MMP26: variants seen among roughly 807,000 people sequenced by gnomAD.
The protein encoded by MMP26 is matrix metalloproteinase-26.
A neutral mutation model predicts 31.0 loss-of-function variants in MMP26; 33 were observed. That is an observed-to-expected ratio of 1.06 (90% CI 0.81 to 1.42). The LOEUF (loss-of-function observed/expected upper bound fraction) is 1.42, where lower values mean the gene tolerates loss of function less well. Ranked by LOEUF, MMP26 falls within the 40% of genes most tolerant of loss-of-function variation. The pLI is 0.00. For synonymous variants in MMP26, 122 were observed against 114.9 expected, an observed-to-expected ratio of 1.06 and a Z score of -0.40; for missense variants, 347 against 316.1, an observed-to-expected ratio of 1.10 and a Z score of -0.74.
intron 2 of MMP26, among the ~76,000 whole-genome samples, chr11:4,798,443 A>G (rs1200659586): frequency 1.3e-5 from 2 of 152,252 alleles, no homozygotes; most frequent in Non-Finnish European, 2.9e-5. Flanking sequence ...TACATGGCAT[A>G]AATACACACA....
intron 2 of MMP26, among the ~76,000 whole-genome samples, chr11:4,870,633 A>C (rs1284009838): frequency 6.6e-6 from 1 of 152,140 alleles, no homozygotes; most frequent in Admixed American, 6.6e-5. Context: ...GATATGAAGA[A>C]GAGAGGGAGA....
chr11:4,711,454 A>G (rs1169268432), intron 1 of MMP26: 1 of 152,208 alleles, frequency 6.6e-6, no homozygotes, highest in African/African-American at 2.4e-5. Flanking sequence ...TAAATGTTCA[A>G]TAATGAGGGT....
chr11:4,838,933 C>T (rs1011833150), intron 2 of MMP26, among the ~76,000 whole-genome samples: 1 of 152,178 alleles, frequency 6.6e-6, no homozygotes, highest in Non-Finnish European at 1.5e-5. Context: ...TGCCGCGCTG[C>T]CCCTGTCATC....
At chr11:4,733,561 AT>A (rs1353871707) in intron 1 of MMP26, among the ~76,000 whole-genome samples, 1 of 152,112 alleles carries the variant, frequency 6.6e-6, no homozygotes, top group African/African-American at 2.4e-5. Flanking sequence ...TAGTTTTAAT[AT>A]TTAGTAGATT....
chr11:4,791,420 C>G (rs1246026010), intron 2 of MMP26, among the ~76,000 whole-genome samples: 1 of 152,028 alleles, frequency 6.6e-6, no homozygotes, highest in Non-Finnish European at 1.5e-5. Flanking sequence ...TAGTTGTGCC[C>G]GAACCTTGAT....
At chr11:4,733,236 A>T (rs1220233495) in intron 1 of MMP26, among the ~76,000 whole-genome samples, 1 of 152,224 alleles carries the variant, frequency 6.6e-6, no homozygotes, top group African/African-American at 2.4e-5. Flanking sequence ...TTGTAGACCA[A>T]CTTGGAAATT....
intron 1 of MMP26, among the ~76,000 whole-genome samples, chr11:4,745,462 T>C (rs1848367548): frequency 6.6e-6 from 1 of 152,160 alleles, no homozygotes; most frequent in Non-Finnish European, 1.5e-5. Flanking sequence ...AGATAAGTTT[T>C]AGGTTCACAG....
intron 2 of MMP26, chr11:4,804,699 C>G (rs1049132324): frequency 1.2e-5 from 5 of 407,336 alleles, no homozygotes; most frequent in African/African-American, 1.0e-4. Context: ...AATCCTAGCA[C>G]TTTGGGAGGC....
rs1846879559 is a variant in MMP26 at position 4,985,960 on chromosome 11, G to A, written c.-144-2108G>A. Reference sequence around the variant, plus strand: ...TTCCTTGTTCTTGAGCCTCAAATAGGATTACCATTTGGTTTCCCATGTCTT... The same window carrying A: ...TTCCTTGTTCTTGAGCCTCAAATAGAATTACCATTTGGTTTCCCATGTCTT... On this transcript the variant is annotated intron_variant, in intron 2 of 7. Transcript: ENST00000380390. Among the ~76,000 whole-genome samples, 5 of 152,246 alleles carry A rather than the reference G, an allele frequency of 3.3e-5. No homozygotes were observed. In the South Asian group the frequency reaches 1.0e-3, roughly 32 times the overall value.
intron 2 of MMP26, among the ~76,000 whole-genome samples, chr11:4,958,773 T>C (rs1253835990): frequency 1.3e-5 from 2 of 152,230 alleles, no homozygotes; most frequent in Non-Finnish European, 2.9e-5. Flanking sequence ...TGAATTAAAC[T>C]ACATTTCCTC....
At chr11:4,813,945 A>G (rs1849385130) in intron 2 of MMP26, among the ~76,000 whole-genome samples, 1 of 152,162 alleles carries the variant, frequency 6.6e-6, no homozygotes, top group Non-Finnish European at 1.5e-5. Flanking sequence ...AAGGAAAACC[A>G]ACTCATGAAA....
intron 2 of MMP26, among the ~76,000 whole-genome samples, chr11:4,774,413 C>T (rs907875464): frequency 6.6e-6 from 1 of 152,152 alleles, no homozygotes; most frequent in African/African-American, 2.4e-5. Flanking sequence ...TTGTTGGCTG[C>T]ATGAATGTCT....
intron 2 of MMP26, chr11:4,907,942 C>T: frequency 6.2e-7 from 1 of 1,614,110 alleles, no homozygotes; most frequent in South Asian, 1.1e-5. Context: ...CCTGCTCTGA[C>T]AACAAGACCA....
chr11:4,733,088 C>T (rs7110669), intron 1 of MMP26, among the ~76,000 whole-genome samples: 2 of 152,178 alleles, frequency 1.3e-5, no homozygotes, highest in Admixed American at 1.3e-4. Context: ...AGTAAGTATG[C>T]AACACCCAAC....
At chr11:4,879,900 C>A (rs1185068308) in intron 2 of MMP26, among the ~76,000 whole-genome samples, 1 of 152,130 alleles carries the variant, frequency 6.6e-6, no homozygotes, top group Non-Finnish European at 1.5e-5. Context: ...CCAGCTCTGA[C>A]ATTCAGGGAG....
intron 1 of MMP26, among the ~76,000 whole-genome samples, chr11:4,713,012 C>T (rs894189428): frequency 9.2e-5 from 14 of 151,872 alleles, no homozygotes; most frequent in Admixed American, 3.9e-4. Flanking sequence ...AAAGAGTAGG[C>T]GATAGGGTGT....
At chr11:4,945,352 G>C (rs1275100173) in intron 2 of MMP26, 1 of 152,172 alleles carries the variant, frequency 6.6e-6, no homozygotes, top group African/African-American at 2.4e-5. Context: ...TTCAAAAACT[G>C]TTCAGTAGGT....
At chr11:4,982,505 A>G (rs1325405111) in intron 2 of MMP26, among the ~76,000 whole-genome samples, 1 of 152,166 alleles carries the variant, frequency 6.6e-6, no homozygotes, top group Non-Finnish European at 1.5e-5. Flanking sequence ...TAAAGTCTCT[A>G]AATTTCGACA....
At chr11:4,717,036 A>G (rs887633167) in intron 1 of MMP26, among the ~76,000 whole-genome samples, 7 of 151,900 alleles carry the variant, frequency 4.6e-5, no homozygotes, top group African/African-American at 1.4e-4. Context: ...AATATCTGAA[A>G]CCCCATTGCC....
Sources: gnomAD v4.1 joint callset for allele counts (sites outside exome capture counted in the v4.1 genomes callset) on GRCh38, gnomAD v4.1.1 for gene constraint, MANE v1.5 for transcripts, NCBI Gene and HGNC (gene_info 2026-07-23, HGNC 2026-07-21) for gene names.